MAPK14: variants seen among roughly 807,000 people sequenced by gnomAD.
The protein encoded by MAPK14 is mitogen-activated protein kinase 14, also known as CSAID-binding protein.
A neutral mutation model predicts 49.6 loss-of-function variants in MAPK14; 16 were observed. The observed-to-expected ratio is 0.32, with a 90% CI of 0.22 to 0.49. The LOEUF (loss-of-function observed/expected upper bound fraction) is 0.49, where lower values mean the gene tolerates loss of function less well. MAPK14 is among the 20% of genes least tolerant of loss of function. MAPK14 has a pLI of 0.99. For synonymous variants in MAPK14, 142 were observed against 158.0 expected (o/e 0.90, Z 0.76); for missense variants, 200 against 441.2 (o/e 0.45, Z 4.90).
At chr6:36,060,124 A>AT (rs1390504769) in intron 3 of MAPK14, among the ~76,000 whole-genome samples, 1 of 152,198 alleles carries the variant, frequency 6.6e-6, no homozygotes, top group Non-Finnish European at 1.5e-5. Context: ...GAAAGCTTCT[A>AT]TGAGTATATG....
chr6:36,067,925 C>T lies in MAPK14; in HGVS notation c.306-4948C>T, dbSNP rs544038028. Among the ~76,000 whole-genome samples, 13 of 151,952 alleles carry T rather than the reference C, an allele frequency of 8.6e-5. 1 individual carries two copies. The South Asian group carries it at 2.5e-3, about 29-fold the overall frequency. On this transcript the variant is annotated intron_variant, in intron 3 of 11. Transcript: ENST00000229794. ...GAACAAAAAATAACCCTGTCCTCCA[C>T]GAACATTGTACAAGCAGATAACAAT...
At chr6:36,071,861 T>G (rs1011793486) in intron 3 of MAPK14, among the ~76,000 whole-genome samples, 31 of 152,292 alleles carry the variant, frequency 2.0e-4, no homozygotes, top group African/African-American at 7.0e-4. Context: ...TTGCTGTTTT[T>G]GTTTTCTTTT....
chr6:36,063,264 A>G (rs1045583919), intron 3 of MAPK14, among the ~76,000 whole-genome samples: 1 of 152,162 alleles, frequency 6.6e-6, no homozygotes, highest in African/African-American at 2.4e-5. Flanking sequence ...GTATCTAAAC[A>G]TAACTAAACA....
At chr6:36,071,823 GAC>G (rs1419093576) in intron 3 of MAPK14, among the ~76,000 whole-genome samples, 1 of 152,110 alleles carries the variant, frequency 6.6e-6, no homozygotes, top group Non-Finnish European at 1.5e-5. Flanking sequence ...AACTGATACT[GAC>G]ACATGTATCT....
At chr6:36,073,984 C>T in intron 5 of MAPK14, 65 bp from the exon 6 acceptor site, 2 of 1,191,478 alleles carry the variant, frequency 1.7e-6, no homozygotes, top group Non-Finnish European at 2.5e-6. Context: ...TCATTATTAC[C>T]TGTAGGGGGA....
chr6:36,047,366 A>G, intron 1 of MAPK14, among the ~76,000 whole-genome samples: 1 of 152,216 alleles, frequency 6.6e-6, no homozygotes, highest in East Asian at 1.9e-4. Flanking sequence ...AAAAGAACTG[A>G]AAGGAGCTAG....
intron 8 of MAPK14, among the ~76,000 whole-genome samples, chr6:36,088,755 A>G (rs974412136): frequency 3.3e-5 from 5 of 152,154 alleles, no homozygotes; most frequent in Admixed American, 2.0e-4. Context: ...AAAGGACATG[A>G]ACAAACACTT....
chr6:36,076,414 T>C, intron 7 of MAPK14, 123 bp from the exon 8 acceptor site: 1 of 709,144 alleles, frequency 1.4e-6, no homozygotes, highest in Admixed American at 2.4e-5. Flanking sequence ...TGAGTATGAT[T>C]GTTGAGCCTC....
Position 36,027,931 on chromosome 6 carries a change from C to T in MAPK14, c.-227C>T, listed in dbSNP as rs1428208112. The T allele has an allele frequency of 4.7e-6, 2 of 425,466 alleles. No individual in the cohort carries two copies. Among genetic ancestry groups the T allele is most frequent in the African/African-American group, 2.1e-5 (1 of 48,754 alleles). The allele number at this position is 425,466 out of a possible 1,614,324, so 26.4% of individuals were successfully genotyped here. ...CGCAGTCTTGAGCGCCGGAGCGCGT[C>T]CCTGCCCTTAGCGGGGCTTGCCCCA... On this transcript the variant is annotated 5_prime_UTR_variant, in exon 1 of 12. Transcript: ENST00000229794.
At chr6:36,066,785 G>A (rs4713930) in intron 3 of MAPK14, among the ~76,000 whole-genome samples, 16,956 of 151,698 alleles carry the variant, frequency 0.11, 1,698 homozygotes, top group East Asian at 0.51. Flanking sequence ...TATGTGTAGG[G>A]TTATTCCTGA....
chr6:36,107,543 G>A lies in MAPK14; in HGVS notation c.930G>A (p.Gln310=). The A allele has an allele frequency of 6.2e-7, 1 of 1,606,826 alleles. No individual in the cohort carries two copies. Among genetic ancestry groups the A allele is most frequent in the Non-Finnish European group, 8.5e-7 (1 of 1,176,560 alleles). The part of the protein sequence containing the change: ...AQALAHAYFA[Q]YHDPDDEPVA... ...CCCTTGCACATGCCTACTTTGCTCA[G>A]TACCACGATCCTGATGATGAACCAG... Residue 310 remains glutamine (Q), a synonymous_variant, in exon 11 of 12, where the codon CAG becomes CAA. Transcript: ENST00000229794. This position sits in a 1 kb window ranked among gnomAD's most constrained non-coding sequence, Gnocchi z 4.3.
intron 1 of MAPK14, among the ~76,000 whole-genome samples, chr6:36,045,080 C>T (rs1361876034): frequency 6.6e-6 from 1 of 151,880 alleles, no homozygotes; most frequent in African/African-American, 2.4e-5. Context: ...CTGCAGTGAG[C>T]CATGATTACA....
intron 1 of MAPK14, among the ~76,000 whole-genome samples, chr6:36,033,549 T>A (rs1259723606): frequency 6.6e-6 from 1 of 152,206 alleles, no homozygotes; most frequent in East Asian, 1.9e-4. Flanking sequence ...ACTCCTGACC[T>A]TGTGATCTGC....
intron 11 of MAPK14, among the ~76,000 whole-genome samples, 189 bp from the exon 12 acceptor site, chr6:36,108,191 C>A (rs1231984406): frequency 6.6e-6 from 1 of 152,168 alleles, no homozygotes; most frequent in East Asian, 1.9e-4. Context: ...AAAAATGGTT[C>A]TTTTCTATGT....
At chr6:36,050,200 A>G (rs1763338669) in intron 1 of MAPK14, among the ~76,000 whole-genome samples, 1 of 152,186 alleles carries the variant, frequency 6.6e-6, no homozygotes, top group South Asian at 2.1e-4. Context: ...GTTAGACTTT[A>G]TCCAGGTGAG....
At chr6:36,038,762 CTT>C (rs1762845810) in intron 1 of MAPK14, among the ~76,000 whole-genome samples, 3 of 152,090 alleles carry the variant, frequency 2.0e-5, no homozygotes, top group Admixed American at 6.6e-5. Flanking sequence ...CATGGGCTGA[CTT>C]TACTTTTTCA....
chr6:36,034,052 G>A (rs1350439713), intron 1 of MAPK14, among the ~76,000 whole-genome samples: 1 of 152,166 alleles, frequency 6.6e-6, no homozygotes, highest in Non-Finnish European at 1.5e-5. Context: ...GGGCTGCTGA[G>A]GTTGCGCGGT....
At chr6:36,079,406 G>A (rs1318763275) in intron 8 of MAPK14, among the ~76,000 whole-genome samples, 1 of 152,082 alleles carries the variant, frequency 6.6e-6, no homozygotes, top group Non-Finnish European at 1.5e-5. Context: ...TAGAACAGGG[G>A]TGTCCAATCT....
the MAPK14 span, among the ~76,000 whole-genome samples, chr6:36,120,022 G>A: frequency 6.6e-6 from 1 of 152,228 alleles, no homozygotes; most frequent in Non-Finnish European, 1.5e-5. Context: ...AGAGGGGCAT[G>A]AAAGGGCTTC....
Sources: gnomAD v4.1 joint callset for allele counts (sites outside exome capture counted in the v4.1 genomes callset) on GRCh38, gnomAD v4.1.1 for gene constraint, Gnocchi (gnomAD v3.1) non-coding constraint, MANE v1.5 for transcripts, NCBI Gene and HGNC (gene_info 2026-07-23, HGNC 2026-07-21) for gene names.